The following TSHZ2 variants were observed in gnomAD, a reference collection of about 807,000 sequenced individuals.
TSHZ2 encodes teashirt zinc finger homeobox 2.
In TSHZ2, 21 loss-of-function variants were observed where a neutral mutation model predicts 74.4. The observed-to-expected ratio is 0.28, with a 90% confidence interval of 0.20 to 0.41. The LOEUF (loss-of-function observed/expected upper bound fraction) is 0.41, where lower values mean the gene tolerates loss of function less well. Among genes scored for constraint, TSHZ2 ranks in the 10% least tolerant of loss-of-function variants. TSHZ2 has a pLI of 1.00. For synonymous variants in TSHZ2, 540 were observed against 515.3 expected (o/e 1.05, Z -0.65); for missense variants, 1,244 against 1,293.5 (o/e 0.96, Z 0.59).
chr20:53,339,030 T>C (rs1157988290), intron 2 of TSHZ2, among the ~76,000 whole-genome samples: 1 of 152,194 alleles, frequency 6.6e-6, no homozygotes, highest in African/African-American at 2.4e-5. Flanking sequence ...CTCTGAATCA[T>C]TGGCAAATAA....
intron 1 of TSHZ2, among the ~76,000 whole-genome samples, chr20:53,012,866 G>A (rs2123004820): frequency 6.6e-6 from 1 of 152,170 alleles, no homozygotes; most frequent in Non-Finnish European, 1.5e-5. Context: ...CCACAACAGT[G>A]GATCCCACTC....
At chr20:53,239,663 A>G (rs116524410) in intron 1 of TSHZ2, among the ~76,000 whole-genome samples, 58 of 152,306 alleles carry the variant, frequency 3.8e-4, no homozygotes, top group African/African-American at 1.2e-3. Flanking sequence ...GCGAGCAGCA[A>G]TCCCAAATTT....
chr20:53,429,506 A>G (rs1018200052), intron 2 of TSHZ2, among the ~76,000 whole-genome samples: 4 of 152,214 alleles, frequency 2.6e-5, no homozygotes, highest in South Asian at 4.1e-4. Context: ...GTTTCCCTGC[A>G]CAAGTGCTTT....
In TSHZ2 at chr20:53,254,904, G is replaced by A. The variant is rs1447284051; in HGVS notation, c.1446G>A (p.Glu482=). The A allele has an allele frequency of 1.2e-6, 2 of 1,613,970 alleles. No individual in the cohort carries two copies. The highest frequency in any genetic ancestry group is 1.7e-6 in the Non-Finnish European group (2 of 1,180,006). The change falls in exon 2 of 3, where the codon GAG becomes GAA. Residue 482 remains glutamate (E), a synonymous_variant. Transcript: ENST00000371497. The part of the protein sequence containing the change: ...TSKDEKVVKS[E]DYEDPLQKPL... ...AGGATGAGAAAGTCGTGAAAAGCGA[G>A]GACTATGAAGATCCTCTACAAAAAC...
At chr20:53,307,640 A>T (rs1219094434) in intron 2 of TSHZ2, among the ~76,000 whole-genome samples, 3 of 152,328 alleles carry the variant, frequency 2.0e-5, no homozygotes, top group African/African-American at 7.2e-5. Context: ...TTTTTAAAAA[A>T]TTCAGGTTAT....
chr20:53,263,018 G>T (rs948904446), intron 2 of TSHZ2, among the ~76,000 whole-genome samples: 18 of 152,278 alleles, frequency 1.2e-4, no homozygotes, highest in Non-Finnish European at 1.5e-4. Context: ...GTTTGGTTTG[G>T]TTTGTTTCCT....
intron 1 of TSHZ2, among the ~76,000 whole-genome samples, chr20:53,237,053 C>T (rs1475611060): frequency 6.6e-6 from 1 of 152,170 alleles, no homozygotes; most frequent in Non-Finnish European, 1.5e-5. Flanking sequence ...GCCTAAGATT[C>T]CTCATCTTCA....
chr20:53,298,815 A>G (rs1488735643), intron 2 of TSHZ2, among the ~76,000 whole-genome samples: 1 of 152,218 alleles, frequency 6.6e-6, no homozygotes, highest in Non-Finnish European at 1.5e-5. Context: ...TAAATTGTAT[A>G]TTGCAGTCCT....
At chr20:53,285,423 A>G (rs1443412338) in intron 2 of TSHZ2, among the ~76,000 whole-genome samples, 1 of 152,194 alleles carries the variant, frequency 6.6e-6, no homozygotes, top group East Asian at 1.9e-4. Flanking sequence ...AATATCTGAG[A>G]AATGGGGCCA....
At chr20:53,162,057 C>T (rs953272562) in intron 1 of TSHZ2, among the ~76,000 whole-genome samples, 2 of 152,178 alleles carry the variant, frequency 1.3e-5, no homozygotes, top group African/African-American at 4.8e-5. Context: ...TGTCATCTGC[C>T]TCCAGTTCCT....
intron 2 of TSHZ2, among the ~76,000 whole-genome samples, chr20:53,374,333 A>G (rs1288241304): frequency 2.6e-5 from 4 of 152,026 alleles, no homozygotes; most frequent in Non-Finnish European, 5.9e-5. Context: ...ATTCTTTTGT[A>G]TGGCTGTGTA....
At chr20:53,429,865 A>C (rs1407088178) in intron 2 of TSHZ2, among the ~76,000 whole-genome samples, 1 of 150,264 alleles carries the variant, frequency 6.7e-6, no homozygotes, top group Non-Finnish European at 1.5e-5. Flanking sequence ...CAGGTCTGGC[A>C]CTACTGACGT....
At chr20:53,175,131 C>CTTTTTTTTTTTTTTT (rs750453219) in intron 1 of TSHZ2, among the ~76,000 whole-genome samples, 15 of 63,634 alleles carry the variant, frequency 2.4e-4, no homozygotes, top group East Asian at 1.7e-3. Context: ...CTTCTTCTTT[C>CTTTTTTTTTTTTTTT]TTTTTTTTTT....
At chr20:53,236,761 C>T (rs866735221) in intron 1 of TSHZ2, among the ~76,000 whole-genome samples, 6 of 152,140 alleles carry the variant, frequency 3.9e-5, no homozygotes, top group Non-Finnish European at 7.3e-5. Flanking sequence ...ACAATCATGA[C>T]GGAAGGCAAA....
intron 2 of TSHZ2, among the ~76,000 whole-genome samples, chr20:53,430,304 CA>C (rs943159972): frequency 2.0e-5 from 3 of 151,976 alleles, no homozygotes; most frequent in African/African-American, 7.3e-5. Context: ...AGGGTTTCAC[CA>C]CATTGCCCAG....
At chr20:53,222,367 C>T (rs773162882) in intron 1 of TSHZ2, among the ~76,000 whole-genome samples, 1 of 152,216 alleles carries the variant, frequency 6.6e-6, no homozygotes, top group East Asian at 1.9e-4. Flanking sequence ...TACCTCAATG[C>T]AGACCAGCAG....
chr20:53,159,555 G>A (rs2123459344), intron 1 of TSHZ2, among the ~76,000 whole-genome samples: 1 of 151,992 alleles, frequency 6.6e-6, no homozygotes, highest in South Asian at 2.1e-4. Context: ...TATAGTTCAT[G>A]GAACACACAT....
intron 2 of TSHZ2, among the ~76,000 whole-genome samples, chr20:53,370,864 A>G (rs1004344959): frequency 6.6e-6 from 1 of 152,242 alleles, no homozygotes; most frequent in Non-Finnish European, 1.5e-5. Flanking sequence ...ATAACAAATT[A>G]CTACAAACTC....
chr20:53,465,523 G>A (rs780897344), intron 2 of TSHZ2, among the ~76,000 whole-genome samples: 8 of 152,044 alleles, frequency 5.3e-5, no homozygotes, highest in African/African-American at 1.2e-4. Context: ...CACCTGCCTC[G>A]GCCTTCCAAA....
Sources: allele counts gnomAD v4.1 joint callset (sites outside exome capture counted in the v4.1 genomes callset), GRCh38; gene constraint gnomAD v4.1.1; transcripts MANE v1.5; gene names NCBI Gene and HGNC (gene_info 2026-07-23, HGNC 2026-07-21).